AOPEP: variants seen among roughly 807,000 people sequenced by gnomAD.
AOPEP encodes the protein aminopeptidase O (putative), also known as aminopeptidase O.
A neutral mutation model predicts 98.1 loss-of-function variants in AOPEP; 77 were observed. The ratio of observed to expected loss-of-function variants is 0.78; its 90% confidence interval spans 0.65 to 0.95. The LOEUF is 0.95. Among genes scored for constraint, AOPEP ranks in the 40% least tolerant of loss-of-function variants. The probability of loss-of-function intolerance (pLI) is 0.00; values close to 1 mark genes in which losing one functional copy is unlikely to be tolerated. For missense variants in AOPEP, 1,024 were observed against 1,024.7 expected, an observed-to-expected ratio of 1.00 and a Z score of 0.01; for synonymous variants, 346 against 365.3, an observed-to-expected ratio of 0.95 and a Z score of 0.60.
At chr9:94,875,347 GAAAAAAAAAAAAAA>G (rs71366265) in intron 5 of AOPEP, among the ~76,000 whole-genome samples, 2 of 71,510 alleles carry the variant, frequency 2.8e-5, no homozygotes, top group East Asian at 8.4e-4. Context: ...AATTGAGCAA[GAAAAAAAAAAAAAA>G]AAAAAAAAAA....
chr9:94,900,120 A>G (rs955954902), intron 5 of AOPEP, among the ~76,000 whole-genome samples: 9 of 152,230 alleles, frequency 5.9e-5, no homozygotes, highest in Non-Finnish European at 1.3e-4. Flanking sequence ...GGGGGGTCAG[A>G]GGATGAAGGC....
chr9:94,852,970 A>G (rs2043741908), intron 5 of AOPEP, among the ~76,000 whole-genome samples: 1 of 152,158 alleles, frequency 6.6e-6, no homozygotes, highest in Non-Finnish European at 1.5e-5. Context: ...CTCAGTGTTG[A>G]AGGGCAAAAG....
In AOPEP at chr9:94,980,921, G is replaced by T. The variant is rs147199024; in HGVS notation, c.1977+1494G>T. Among the ~76,000 whole-genome samples the T allele has an allele frequency of 1.7e-4, 26 of 152,318 alleles. No individual in the cohort carries two copies. Among genetic ancestry groups the T allele is most frequent in the Middle Eastern group, 6.8e-3 (2 of 294 alleles). On this transcript the variant is annotated intron_variant, in intron 11 of 16. Coordinates refer to ENST00000375315, the MANE Select transcript of AOPEP (RefSeq NM_001193329.3). This position sits in a 1 kb window ranked among gnomAD's most constrained non-coding sequence, Gnocchi z 4.3. Reference sequence around the variant, plus strand: ...TCAGATGGGAGTGCAGGTGGTGGGGGACATTTGCTGAAGTTTGCCTTGTGA... The same window carrying T: ...TCAGATGGGAGTGCAGGTGGTGGGGTACATTTGCTGAAGTTTGCCTTGTGA...
intron 2 of AOPEP, among the ~76,000 whole-genome samples, chr9:94,772,663 A>C (rs1841152878): frequency 1.3e-5 from 2 of 152,184 alleles, no homozygotes; most frequent in Non-Finnish European, 2.9e-5. Context: ...TGTCTCTAAA[A>C]ATTTTCTTTT....
At chr9:94,766,107 GT>G (rs1839544542) in intron 2 of AOPEP, among the ~76,000 whole-genome samples, 1 of 152,112 alleles carries the variant, frequency 6.6e-6, no homozygotes, top group Non-Finnish European at 1.5e-5. Context: ...GACTTAATAT[GT>G]TTTTAATTCT....
intron 5 of AOPEP, among the ~76,000 whole-genome samples, chr9:94,915,799 G>A (rs544773599): frequency 6.6e-6 from 1 of 152,352 alleles, no homozygotes; most frequent in South Asian, 2.1e-4. Context: ...CTGGGGCTTG[G>A]CTTCTTGCTG....
chr9:95,111,422 A>C, the AOPEP span: 7 of 1,602,104 alleles, frequency 4.4e-6, no homozygotes, highest in African/African-American at 2.7e-5. Flanking sequence ...TCAGCCCCCC[A>C]GAGCCCACCC....
chr9:95,119,963 T>A, the AOPEP span, among the ~76,000 whole-genome samples: 2 of 151,384 alleles, frequency 1.3e-5, no homozygotes, highest in South Asian at 4.2e-4. Context: ...CCTCCTGCCT[T>A]GGGGCTCCCA....
intron 13 of AOPEP, among the ~76,000 whole-genome samples, chr9:95,024,344 G>A (rs2063681861): frequency 1.3e-5 from 2 of 152,212 alleles, no homozygotes; most frequent in Non-Finnish European, 2.9e-5. Flanking sequence ...TGTCAACAGA[G>A]AGTAGCAGTT....
In AOPEP at chr9:94,910,088, G is replaced by A. The variant is rs185214081; in HGVS notation, c.1365-13898G>A. The stretch of plus-strand genomic sequence containing the variant: ...CCAGAGCTATGCAGGCGTTTGAATC[G>A]CGGGTCCCTGCCTAGATGGACACTT... On this transcript the variant is annotated intron_variant, in intron 5 of 16. Transcript: ENST00000375315. Among the ~76,000 whole-genome samples, 986 of 152,268 alleles carry A rather than the reference G, an allele frequency of 6.5e-3. 15 individuals carry two copies. Among genetic ancestry groups the A allele is most frequent in the African/African-American group, 0.023 (940 of 41,552 alleles).
At chr9:94,905,411 CTG>C (rs2050991887) in intron 5 of AOPEP, among the ~76,000 whole-genome samples, 1 of 152,202 alleles carries the variant, frequency 6.6e-6, no homozygotes, top group Non-Finnish European at 1.5e-5. Flanking sequence ...CATTAAATAA[CTG>C]TTCCACGTCC....
chr9:94,757,121 T>C (rs1837235463), intron 1 of AOPEP, among the ~76,000 whole-genome samples: 1 of 152,194 alleles, frequency 6.6e-6, no homozygotes, highest in Admixed American at 6.5e-5. Flanking sequence ...ATAAGCTTAA[T>C]AAGCTTTGGT....
intron 6 of AOPEP, among the ~76,000 whole-genome samples, chr9:94,927,113 C>T (rs2054468290): frequency 6.6e-6 from 1 of 152,202 alleles, no homozygotes; most frequent in African/African-American, 2.4e-5. Flanking sequence ...TCCTGGCTTG[C>T]AGGTGGCCAC....
chr9:94,862,888 C>A (rs1219693427), intron 5 of AOPEP, among the ~76,000 whole-genome samples: 1 of 152,160 alleles, frequency 6.6e-6, no homozygotes, highest in African/African-American at 2.4e-5. Flanking sequence ...AGGCTTAATT[C>A]TCGGGACAAA....
intron 9 of AOPEP, among the ~76,000 whole-genome samples, chr9:94,966,843 G>A (rs1463747235): frequency 1.3e-5 from 2 of 152,180 alleles, no homozygotes; most frequent in Admixed American, 6.5e-5. Context: ...AATGAAATGG[G>A]CTGGAAAAGG....
chr9:95,077,041 T>C (rs1335333881), intron 14 of AOPEP, among the ~76,000 whole-genome samples: 1 of 152,160 alleles, frequency 6.6e-6, no homozygotes, highest in East Asian at 1.9e-4. Context: ...CCTGCCACCT[T>C]CCAGGCCTGG....
At chr9:94,773,897 G>A (rs1345479050) in intron 3 of AOPEP, among the ~76,000 whole-genome samples, 3 of 151,998 alleles carry the variant, frequency 2.0e-5, no homozygotes, top group African/African-American at 4.8e-5. Flanking sequence ...TGCCAAGTAG[G>A]TGGAACTACA....
intron 11 of AOPEP, among the ~76,000 whole-genome samples, chr9:94,983,707 C>T (rs1411285662): frequency 6.6e-6 from 1 of 152,150 alleles, no homozygotes; most frequent in Non-Finnish European, 1.5e-5. Flanking sequence ...ACTGTCGGTG[C>T]ACAGGTATTT....
Position 94,760,460 on chromosome 9 carries a change from G to T in AOPEP, c.677G>T (p.Ser226Ile). 2 of 1,613,694 alleles carry T rather than the reference G, an allele frequency of 1.2e-6. No homozygotes were observed. The highest frequency in any genetic ancestry group is 8.5e-7 in the Non-Finnish European group (1 of 1,179,852). ...CTCCTCTTTGACACTGACACTTGGA[G>T]CTTGCAGATAAGGAAGACAGGGGCT... ...GELLFDTDTW[S>I]LQIRKTGAQT... Residue 226 changes from serine (S) to isoleucine (I), a missense_variant, in exon 2 of 17, where the codon AGC becomes ATC. Physicochemically the swap from Ser to Ile is moderately radical, Grantham distance 142 (BLOSUM62 -2). Transcript: ENST00000375315.
Sources: allele counts gnomAD v4.1 joint callset (sites outside exome capture counted in the v4.1 genomes callset), GRCh38; gene constraint gnomAD v4.1.1; non-coding constraint Gnocchi (gnomAD v3.1); transcripts MANE v1.5; gene names NCBI Gene and HGNC (gene_info 2026-07-23, HGNC 2026-07-21).